PAK3: variants seen among roughly 807,000 people sequenced by gnomAD.
The protein encoded by PAK3 is p21 (RAC1) activated kinase 3.
Under a neutral mutation model 41.0 loss-of-function variants are expected in PAK3, and 4 were observed. The ratio of observed to expected loss-of-function variants is 0.10; its 90% confidence interval spans 0.05 to 0.22. The LOEUF is 0.22. PAK3 is among the 10% of genes least tolerant of loss of function. The pLI is 1.00. For synonymous variants in PAK3, 146 were observed against 139.6 expected (o/e 1.05, Z -0.32); for missense variants, 205 against 409.9 (o/e 0.50, Z 4.32).
chrX:111,052,299 T>C (rs1253855949), intron 1 of PAK3, among the ~76,000 whole-genome samples: 1 of 112,617 alleles, frequency 8.9e-6, no homozygotes, highest in Non-Finnish European at 1.9e-5. Context: ...AGTGAGTCTT[T>C]TAGGACAAAC....
intron 11 of PAK3, among the ~76,000 whole-genome samples, chrX:111,182,731 G>A (rs943454971): frequency 8.1e-5 from 9 of 110,749 alleles, no homozygotes; most frequent in African/African-American, 1.3e-4. Context: ...TGTCAGGTGC[G>A]TTAGTATAGT....
At chrX:111,195,979 G>A (rs756139974) in intron 15 of PAK3, 38 bp downstream of exon 15, 1 of 747,468 alleles carries the variant, frequency 1.3e-6, no homozygotes, top group Non-Finnish European at 2.1e-6. Context: ...GAGTATCAGG[G>A]AATTTCTGTT....
intron 11 of PAK3, among the ~76,000 whole-genome samples, chrX:111,178,655 A>T (rs73264384): frequency 0.04 from 4,426 of 110,788 alleles, 101 homozygotes; most frequent in Non-Finnish European, 0.063. Flanking sequence ...TATAATAAGT[A>T]TTGTGAAGAA....
In PAK3 at chrX:111,221,800, G is replaced by A. The variant is rs754044526; in HGVS notation, c.*1353G>A. Reference sequence around the variant, plus strand: ...TTCATGCTTAGTTCTTTGGGCTTTTGAATATCAAAAGCATATTCATAAATG... The same window carrying A: ...TTCATGCTTAGTTCTTTGGGCTTTTAAATATCAAAAGCATATTCATAAATG... On this transcript the variant is annotated 3_prime_UTR_variant, in exon 18 of 18. Transcript: ENST00000372007. 2 of 111,251 alleles carry A rather than the reference G, an allele frequency of 1.8e-5. No homozygotes were observed. The highest frequency in any genetic ancestry group is 7.6e-4 in the South Asian group (2 of 2,649). The allele number at this position is 111,251 out of a possible 1,213,427, so 9.2% of individuals were successfully genotyped here. A position where few individuals can be genotyped will look rare whatever the true frequency, so the allele number is the denominator to read the frequency against.
intron 14 of PAK3, among the ~76,000 whole-genome samples, chrX:111,195,544 G>A (rs1279067944): frequency 1.8e-5 from 2 of 111,770 alleles, no homozygotes; most frequent in African/African-American, 6.5e-5. Flanking sequence ...CCAAATAACT[G>A]GGCCAAAGTA....
At chrX:111,109,555 T>G (rs1346147322) in intron 4 of PAK3, among the ~76,000 whole-genome samples, 1 of 112,119 alleles carries the variant, frequency 8.9e-6, no homozygotes, top group Admixed American at 9.4e-5. Context: ...CCTGTTCATT[T>G]AGCTATCCCC....
At chrX:111,152,561 G>T in intron 8 of PAK3, 114 bp downstream of exon 8, 1 of 535,800 alleles carries the variant, frequency 1.9e-6, no homozygotes, top group South Asian at 2.8e-5. Context: ...CAATTTTAAG[G>T]TATAATTCAG....
chrX:111,079,559 T>A (rs753313025), intron 1 of PAK3, among the ~76,000 whole-genome samples: 3 of 112,192 alleles, frequency 2.7e-5, no homozygotes, highest in Non-Finnish European at 5.6e-5. Flanking sequence ...ACTCAAATGT[T>A]CTGATGGAGA....
intron 1 of PAK3, among the ~76,000 whole-genome samples, chrX:110,971,012 A>C (rs1274177961): frequency 8.9e-6 from 1 of 112,375 alleles, no homozygotes; most frequent in Non-Finnish European, 1.9e-5. Flanking sequence ...TCAGTGCTTC[A>C]TTCCCAATCT....
chrX:111,020,614 C>G (rs1294532731), intron 1 of PAK3, among the ~76,000 whole-genome samples: 2 of 111,474 alleles, frequency 1.8e-5, no homozygotes, highest in East Asian at 5.7e-4. Flanking sequence ...GCTCCAAGAA[C>G]TACCACAGGA....
intron 1 of PAK3, among the ~76,000 whole-genome samples, chrX:111,023,045 C>T (rs1175700900): frequency 1.8e-5 from 2 of 110,543 alleles, no homozygotes; most frequent in Non-Finnish European, 3.8e-5. Flanking sequence ...TCCCCCAGGC[C>T]CCCACTCACT....
rs143949879 is a variant in PAK3, at chrX:111,182,730, C to T, written c.831-9397C>T. Among the ~76,000 whole-genome samples, 726 of 110,470 alleles carry T rather than the reference C, an allele frequency of 6.6e-3. 6 individuals are homozygous for T. Among genetic ancestry groups the T allele is most frequent in the Non-Finnish European group, 7.5e-3 (395 of 52,794 alleles). On this transcript the variant is annotated intron_variant, in intron 11 of 17. Transcript: ENST00000372007. ...ATATAATCTGTTTTTATGTCAGGTGCGTTAGTATAGTGAGACAATATCTAG... is the reference window on the plus strand; with the variant it reads ...ATATAATCTGTTTTTATGTCAGGTGTGTTAGTATAGTGAGACAATATCTAG...
At chrX:111,028,789 G>A (rs942658893) in intron 1 of PAK3, among the ~76,000 whole-genome samples, 1 of 111,793 alleles carries the variant, frequency 8.9e-6, no homozygotes, top group East Asian at 2.8e-4. Context: ...ATACAGATGA[G>A]GAAAGTGAGG....
chrX:110,968,265 C>T (rs908051430), intron 1 of PAK3, among the ~76,000 whole-genome samples: 13 of 112,407 alleles, frequency 1.2e-4, no homozygotes. Context: ...CAGTTTTGGG[C>T]TTTACAAATA....
chrX:111,011,648 T>C lies in PAK3; in HGVS notation c.-28+67020T>C, dbSNP rs1602773236. On this transcript the variant is annotated intron_variant, in intron 1 of 14. Coordinates refer to the PAK3 transcript ENST00000425146. ...GTATTCATTGCCCTCAGTGAAACAA[T>C]GCACAGGAATGTTCTCCTCCGTTCT... Among the ~76,000 whole-genome samples the C allele has an allele frequency of 2.7e-5, 3 of 112,357 alleles. 1 individual carries two copies. The Admixed American group carries it at 2.8e-4, about 11-fold the overall frequency.
chrX:111,102,254 G>A (rs1404480498), intron 3 of PAK3, among the ~76,000 whole-genome samples: 2 of 111,611 alleles, frequency 1.8e-5, no homozygotes, highest in South Asian at 3.8e-4. Flanking sequence ...AAGAGACTCA[G>A]TCTCCTTCAT....
chrX:111,169,671 C>A (rs1427286087), intron 10 of PAK3, among the ~76,000 whole-genome samples: 5 of 111,118 alleles, frequency 4.5e-5, no homozygotes, highest in Admixed American at 2.9e-4. Context: ...CAGCGAATGG[C>A]ATGTAAAGAA....
rs372315432 is a variant in PAK3 at position 111,028,772 on chromosome X, C to A, written c.-28+84144C>A. The stretch of plus-strand genomic sequence containing the variant: ...CCTGTGGGGAAGCTACTGTTATTAT[C>A]CCCAATATACAGATGAGGAAAGTGA... On this transcript the variant is annotated intron_variant, in intron 1 of 14. Transcript: ENST00000425146. Among the ~76,000 whole-genome samples, 44 of 111,788 alleles carry A rather than the reference C, an allele frequency of 3.9e-4. 1 individual carries two copies. The East Asian group carries it at 0.012, about 30-fold the overall frequency.
chrX:110,972,490 C>T (rs1454423846), intron 1 of PAK3, among the ~76,000 whole-genome samples: 1 of 112,065 alleles, frequency 8.9e-6, no homozygotes, highest in African/African-American at 3.2e-5. Context: ...AGAAGGAAAA[C>T]TAACAAACAG....
Sources: allele counts gnomAD v4.1 joint callset (sites outside exome capture counted in the v4.1 genomes callset), GRCh38; gene constraint gnomAD v4.1.1; transcripts MANE v1.5; gene names NCBI Gene and HGNC (gene_info 2026-07-23, HGNC 2026-07-21).